The following SEMA6D variants were observed in gnomAD, a reference collection of about 807,000 sequenced individuals.
SEMA6D encodes the protein semaphorin 6D, also known as semaphorin-6D.
Under a neutral mutation model 106.6 loss-of-function variants are expected in SEMA6D, and 35 were observed. The ratio of observed to expected loss-of-function variants is 0.33; its 90% CI spans 0.25 to 0.44. The LOEUF (loss-of-function observed/expected upper bound fraction) is 0.44, where lower values mean the gene tolerates loss of function less well. Among genes scored for constraint, SEMA6D ranks in the 20% least tolerant of loss-of-function variants. SEMA6D has a pLI of 1.00. For synonymous variants in SEMA6D, 499 were observed against 487.7 expected, an observed-to-expected ratio of 1.02 and a Z score of -0.31; for missense variants, 1,185 against 1,345.9, an observed-to-expected ratio of 0.88 and a Z score of 1.87.
At chr15:47,185,787 T>C (rs1211698203) in intron 1 of SEMA6D, 1 of 152,128 alleles carries the variant, frequency 6.6e-6, no homozygotes, top group African/African-American at 2.4e-5. Context: ...ATACTCTTAT[T>C]TGACTTTCTT....
intron 2 of SEMA6D, among the ~76,000 whole-genome samples, chr15:47,420,807 C>T (rs2041127686): frequency 1.3e-5 from 2 of 152,078 alleles, no homozygotes; most frequent in South Asian, 4.1e-4. Context: ...AATCTAAGGC[C>T]TCAGGCCCAC....
chr15:47,384,136 C>CAACTT (rs2039736856), intron 1 of SEMA6D, among the ~76,000 whole-genome samples: 1 of 152,164 alleles, frequency 6.6e-6, no homozygotes, highest in African/African-American at 2.4e-5. Context: ...TCAGAATAGG[C>CAACTT]AACTGCCAGC....
At chr15:47,737,182 C>T (rs2146902927) in intron 1 of SEMA6D, among the ~76,000 whole-genome samples, 1 of 152,186 alleles carries the variant, frequency 6.6e-6, no homozygotes, top group East Asian at 1.9e-4. Context: ...AGGGTACACC[C>T]ACAGTACAAA....
At chr15:47,715,859 C>T (rs2079101091), upstream of SEMA6D, among the ~76,000 whole-genome samples, 1 of 152,322 alleles carries the variant, frequency 6.6e-6, no homozygotes, top group African/African-American at 2.4e-5. Context: ...GGCGATTTGA[C>T]TCCTCATCAA....
intron 1 of SEMA6D, among the ~76,000 whole-genome samples, chr15:47,292,886 C>G (rs2035650385): frequency 6.6e-6 from 1 of 152,148 alleles, no homozygotes; most frequent in African/African-American, 2.4e-5. Context: ...AATATTTGCT[C>G]TTCATTTCAT....
At chr15:47,302,853 T>C (rs7164181) in intron 1 of SEMA6D, among the ~76,000 whole-genome samples, 150,563 of 152,298 alleles carry the variant, frequency 0.99, 74,437 homozygotes, top group Middle Eastern at 1. Flanking sequence ...GTTATACTTC[T>C]GAACTACAGA....
intron 1 of SEMA6D, among the ~76,000 whole-genome samples, chr15:47,235,714 T>G (rs1170942502): frequency 4.6e-5 from 7 of 152,124 alleles, no homozygotes; most frequent in African/African-American, 7.2e-5. Flanking sequence ...CTGTTTTGGT[T>G]ACTATAACTT....
rs765427873 is a variant in SEMA6D at position 47,366,186 on chromosome 15, C to G, written c.-238-46207C>G. Among the ~76,000 whole-genome samples the G allele has an allele frequency of 2.0e-5, 3 of 152,218 alleles. No individual in the cohort carries two copies. The South Asian group carries it at 6.2e-4, about 31-fold the overall frequency. ...TATACATAGTACATGCCCTGTGCCA[C>G]AGCTCTTAGTCTATTTGTATCATAT... is the stretch of plus-strand genomic sequence containing the variant. On this transcript the variant is annotated intron_variant, in intron 1 of 19. Transcript: ENST00000558014.
intron 4 of SEMA6D, among the ~76,000 whole-genome samples, chr15:47,646,278 G>A (rs999427257): frequency 2.6e-5 from 4 of 152,074 alleles, no homozygotes; most frequent in South Asian, 2.1e-4. Context: ...TGATTTCAAC[G>A]GTTTTAGAAG....
At chr15:47,396,181 A>G (rs1188464772) in intron 1 of SEMA6D, among the ~76,000 whole-genome samples, 1 of 152,130 alleles carries the variant, frequency 6.6e-6, no homozygotes, top group Non-Finnish European at 1.5e-5. Flanking sequence ...CCAGGACTAT[A>G]GGAAATAAAT....
intron 4 of SEMA6D, among the ~76,000 whole-genome samples, chr15:47,708,915 C>T (rs1056421209): frequency 2.6e-5 from 4 of 152,142 alleles, no homozygotes; most frequent in African/African-American, 4.8e-5. Context: ...AAAAGGAGCA[C>T]CCCTACCACA....
intron 3 of SEMA6D, among the ~76,000 whole-genome samples, chr15:47,507,481 G>A (rs1449460365): frequency 1.3e-5 from 2 of 152,120 alleles, no homozygotes; most frequent in African/African-American, 4.8e-5. Flanking sequence ...GAAAAAGGCA[G>A]TGCATTGAAA....
intron 2 of SEMA6D, among the ~76,000 whole-genome samples, chr15:47,437,121 A>G (rs2041742684): frequency 6.6e-6 from 1 of 151,968 alleles, no homozygotes; most frequent in African/African-American, 2.4e-5. Context: ...CTGACACTAA[A>G]AAGAAGTTTC....
intron 1 of SEMA6D, among the ~76,000 whole-genome samples, chr15:47,749,677 A>G (rs984623939): frequency 5.3e-5 from 8 of 152,192 alleles, no homozygotes; most frequent in Middle Eastern, 3.2e-3. Flanking sequence ...AAATGCCTAT[A>G]TTTTACGAAG....
chr15:47,404,400 C>T (rs1415745632), intron 1 of SEMA6D, among the ~76,000 whole-genome samples: 1 of 151,720 alleles, frequency 6.6e-6, no homozygotes. Context: ...AAAGAGAGAC[C>T]TGAAATTCAG....
intron 4 of SEMA6D, among the ~76,000 whole-genome samples, chr15:47,688,783 T>C (rs1229984356): frequency 6.6e-6 from 1 of 152,192 alleles, no homozygotes; most frequent in Admixed American, 6.5e-5. Flanking sequence ...AGATGAGGGA[T>C]TGACGAAATC....
At position 47,522,104 on chromosome 15, in the gene SEMA6D, G is replaced by T. The variant is rs557558762; in HGVS notation, c.-87+51559G>T. Reference sequence around the variant, plus strand: ...CCCAGCTCCAAACCACAGGTAAATAGCCCAGCTCTGTGGGCATCAGATCAA... The same window carrying T: ...CCCAGCTCCAAACCACAGGTAAATATCCCAGCTCTGTGGGCATCAGATCAA... On this transcript the variant is annotated intron_variant, in intron 3 of 19. Transcript: ENST00000558014. Among the ~76,000 whole-genome samples the T allele has an allele frequency of 3.9e-5, 6 of 152,186 alleles. No individual in the cohort carries two copies. The East Asian group carries it at 1.2e-3, about 29-fold the overall frequency.
chr15:47,368,488 T>G (rs573632062), intron 1 of SEMA6D, among the ~76,000 whole-genome samples: 14 of 145,886 alleles, frequency 9.6e-5, no homozygotes, highest in African/African-American at 3.5e-4. Flanking sequence ...TTATTTTTTT[T>G]GAGACGGAGT....
intron 4 of SEMA6D, among the ~76,000 whole-genome samples, chr15:47,694,715 A>G (rs1425703050): frequency 1.3e-5 from 2 of 152,150 alleles, no homozygotes; most frequent in Non-Finnish European, 2.9e-5. Context: ...AGATCAAGGC[A>G]TGTGTCTGTT....
Sources: gnomAD v4.1 joint callset for allele counts (sites outside exome capture counted in the v4.1 genomes callset) on GRCh38, gnomAD v4.1.1 for gene constraint, MANE v1.5 for transcripts, NCBI Gene and HGNC (gene_info 2026-07-23, HGNC 2026-07-21) for gene names.